Variants in CTNNA2 observed in about 807,000 individuals in gnomAD.
The protein encoded by CTNNA2 is catenin alpha 2, also known as catenin alpha-2.
Under a neutral mutation model 101.0 loss-of-function variants are expected in CTNNA2, and 42 were observed. That is an observed-to-expected ratio of 0.42 (90% CI 0.32 to 0.54). CTNNA2 has a LOEUF of 0.54. Ranked by LOEUF, CTNNA2 falls within the 20% of genes least tolerant of loss-of-function variation. CTNNA2 has a pLI of 0.14. For synonymous variants in CTNNA2, 450 were observed against 456.4 expected (o/e 0.99, Z 0.18); for missense variants, 871 against 1,223.1 (o/e 0.71, Z 4.29).
intron 7 of CTNNA2, among the ~76,000 whole-genome samples, chr2:80,190,356 T>A (rs765249630): frequency 3.0e-4 from 45 of 152,084 alleles, no homozygotes; most frequent in Non-Finnish European, 5.3e-4. Flanking sequence ...GGCAGTGGCC[T>A]GGGCAGGAAA....
intron 8 of CTNNA2, among the ~76,000 whole-genome samples, chr2:80,404,839 T>A (rs934234220): frequency 6.6e-6 from 1 of 152,214 alleles, no homozygotes; most frequent in Non-Finnish European, 1.5e-5. Context: ...GAAAATTGAG[T>A]TAAGATCAGT....
intron 7 of CTNNA2, among the ~76,000 whole-genome samples, chr2:80,384,935 A>T (rs1191528459): frequency 1.3e-5 from 2 of 152,076 alleles, no homozygotes; most frequent in African/African-American, 4.8e-5. Context: ...TGCCACATGA[A>T]TAAACATGGA....
chr2:79,547,336 ATTGT>A (rs1216349856), intron 1 of CTNNA2: 1 of 152,178 alleles, frequency 6.6e-6, no homozygotes, highest in African/African-American at 2.4e-5. Context: ...CATATGAGAA[ATTGT>A]TTGATACTTT....
intron 1 of CTNNA2, among the ~76,000 whole-genome samples, chr2:79,604,547 C>A (rs1344479623): frequency 1.3e-5 from 2 of 152,102 alleles, no homozygotes; most frequent in Non-Finnish European, 2.9e-5. Flanking sequence ...GAGGAGAGGG[C>A]TGTACAGAGA....
intron 2 of CTNNA2, among the ~76,000 whole-genome samples, chr2:79,706,935 C>T (rs1453858037): frequency 6.6e-6 from 1 of 152,178 alleles, no homozygotes; most frequent in East Asian, 1.9e-4. Flanking sequence ...CCCTCTGCCA[C>T]AGAATCCTGA....
At chr2:80,137,777 G>A (rs1408541150) in intron 7 of CTNNA2, among the ~76,000 whole-genome samples, 3 of 151,938 alleles carry the variant, frequency 2.0e-5, no homozygotes, top group Non-Finnish European at 4.4e-5. Flanking sequence ...GATAAACTAG[G>A]GCATTTCTAT....
chr2:79,940,900 T>C (rs991717318), intron 7 of CTNNA2, among the ~76,000 whole-genome samples: 9 of 152,358 alleles, frequency 5.9e-5, no homozygotes, highest in Non-Finnish European at 1.2e-4. Context: ...TTCTACTGAA[T>C]GCATATTGCT....
chr2:79,895,891 AT>A (rs932502943), intron 6 of CTNNA2, among the ~76,000 whole-genome samples: 3 of 152,148 alleles, frequency 2.0e-5, no homozygotes, highest in African/African-American at 7.2e-5. Flanking sequence ...TCCACAGACC[AT>A]TGTTTGTTGA....
intron 7 of CTNNA2, among the ~76,000 whole-genome samples, chr2:80,189,850 T>C (rs1573344795): frequency 6.6e-6 from 1 of 152,284 alleles, no homozygotes; most frequent in South Asian, 2.1e-4. Flanking sequence ...GTCAAATATT[T>C]AGGAAGCATT....
chr2:80,422,032 G>A (rs1236221205), intron 9 of CTNNA2, among the ~76,000 whole-genome samples: 5 of 152,074 alleles, frequency 3.3e-5, no homozygotes, highest in African/African-American at 1.2e-4. Context: ...TCATGTGCCT[G>A]CAAATTATGA....
At chr2:79,634,975 G>GTGACATGA (rs962860706) in intron 1 of CTNNA2, among the ~76,000 whole-genome samples, 2 of 152,158 alleles carry the variant, frequency 1.3e-5, no homozygotes, top group Non-Finnish European at 2.9e-5. Context: ...CGATGGGACA[G>GTGACATGA]TGACATGATG....
chr2:79,914,028 G>A (rs1021731727), intron 7 of CTNNA2, among the ~76,000 whole-genome samples: 137 of 150,980 alleles, frequency 9.1e-4, no homozygotes, highest in African/African-American at 3.0e-3. Flanking sequence ...TTAGCCGGGC[G>A]TAGTGGCGGG....
intron 5 of CTNNA2, 144 bp downstream of exon 5, chr2:79,870,079 C>A: frequency 9.5e-7 from 1 of 1,055,678 alleles, no homozygotes; most frequent in Non-Finnish European, 1.4e-6. Context: ...TTGCTTCCTG[C>A]AGGGGCCAGT....
At position 80,368,867 on chromosome 2, in the gene CTNNA2, G is replaced by GTA. The variant is rs1553505682; in HGVS notation, c.1057-24328_1057-24327dup. On this transcript the variant is annotated intron_variant, in intron 7 of 18. Coordinates refer to ENST00000402739, the MANE Select transcript of CTNNA2 (RefSeq NM_001282597.3). Reference sequence around the variant, plus strand: ...TATATATGTGTGTGTGTGTGTGTGTGTATATATATATATATATTTGGCACG... The same window carrying GTA: ...TATATATGTGTGTGTGTGTGTGTGTGTATATATATATATATATATTTGGCACG... Among the ~76,000 whole-genome samples, 999 of 144,670 alleles carry GTA rather than the reference G, an allele frequency of 6.9e-3. 16 individuals carry two copies. The highest frequency in any genetic ancestry group is 0.021 in the African/African-American group (829 of 38,732). 94.9% of individuals were successfully genotyped at this position (144,670 alleles called of 152,430 possible).
chr2:79,848,900 T>C (rs1387021844), intron 3 of CTNNA2, among the ~76,000 whole-genome samples: 1 of 152,062 alleles, frequency 6.6e-6, no homozygotes, highest in African/African-American at 2.4e-5. Context: ...CACATTGGGA[T>C]TTATTGGCCT....
intron 1 of CTNNA2, among the ~76,000 whole-genome samples, chr2:79,192,166 G>A (rs146266443): frequency 6.9e-4 from 105 of 152,144 alleles, no homozygotes; most frequent in African/African-American, 2.3e-3. Context: ...GTAACGAGGC[G>A]TGACTGATTC....
intron 1 of CTNNA2, among the ~76,000 whole-genome samples, chr2:79,601,769 C>T (rs554876666): frequency 6.6e-6 from 1 of 152,314 alleles, no homozygotes; most frequent in African/African-American, 2.4e-5. Context: ...GACTACTATG[C>T]GTATCACAAT....
chr2:79,732,140 C>T (rs1687238076), intron 2 of CTNNA2, among the ~76,000 whole-genome samples: 1 of 151,962 alleles, frequency 6.6e-6, no homozygotes, highest in South Asian at 2.1e-4. Flanking sequence ...TTTTTAGAGT[C>T]AGTAGTTGGG....
intron 6 of CTNNA2, among the ~76,000 whole-genome samples, chr2:79,898,641 A>C (rs984632169): frequency 6.6e-6 from 1 of 152,186 alleles, no homozygotes; most frequent in African/African-American, 2.4e-5. Flanking sequence ...AGGAGAATGA[A>C]GGGAGATTAT....
Sources: allele counts gnomAD v4.1 joint callset (sites outside exome capture counted in the v4.1 genomes callset), GRCh38; gene constraint gnomAD v4.1.1; transcripts MANE v1.5; gene names NCBI Gene and HGNC (gene_info 2026-07-23, HGNC 2026-07-21).